Variants in HPSE2 observed in about 807,000 individuals in gnomAD.
HPSE2 encodes the protein heparanase 2 (inactive), also known as inactive heparanase-2.
HPSE2 carries 38 observed loss-of-function variants against 60.5 expected under a neutral mutation model. The ratio of observed to expected loss-of-function variants is 0.63; its 90% CI spans 0.48 to 0.82. HPSE2 has a LOEUF of 0.82. Ranked by LOEUF, HPSE2 falls within the 40% of genes least tolerant of loss-of-function variation. The pLI is 0.00. For synonymous variants in HPSE2, 295 were observed against 293.2 expected (o/e 1.01, Z -0.06); for missense variants, 713 against 740.4 (o/e 0.96, Z 0.43).
At chr10:99,020,858 A>G (rs933049627) in intron 3 of HPSE2, among the ~76,000 whole-genome samples, 6 of 152,112 alleles carry the variant, frequency 3.9e-5, no homozygotes, top group Non-Finnish European at 8.8e-5. Flanking sequence ...CATAAATACT[A>G]CCTGAAAATG....
At chr10:98,462,087 G>A (rs113440812) in intron 11 of HPSE2, among the ~76,000 whole-genome samples, 2,850 of 152,302 alleles carry the variant, frequency 0.019, 38 homozygotes, top group Non-Finnish European at 0.022. Context: ...AGGCACCAAA[G>A]AAATGAAATA....
chr10:98,466,352 G>A (rs914149123), intron 11 of HPSE2, among the ~76,000 whole-genome samples: 11 of 152,088 alleles, frequency 7.2e-5, no homozygotes, highest in Admixed American at 6.6e-4. Context: ...GGTGGCTCAC[G>A]CCTGTAATCC....
chr10:99,019,884 G>A (rs1957224248), intron 3 of HPSE2, among the ~76,000 whole-genome samples: 1 of 151,804 alleles, frequency 6.6e-6, no homozygotes, highest in Non-Finnish European at 1.5e-5. Flanking sequence ...GCTAATTTTT[G>A]TATTTTTAGT....
the HPSE2 span, among the ~76,000 whole-genome samples, chr10:99,297,741 AC>A: frequency 6.6e-6 from 1 of 151,590 alleles, no homozygotes; most frequent in African/African-American, 2.4e-5. Context: ...ACTGCTGGCC[AC>A]CCCCTGGGTG....
At chr10:98,985,532 A>G (rs1956320829) in intron 3 of HPSE2, among the ~76,000 whole-genome samples, 1 of 152,244 alleles carries the variant, frequency 6.6e-6, no homozygotes, top group South Asian at 2.1e-4. Flanking sequence ...AGCCACTGCA[A>G]AAACATGCCA....
At chr10:98,958,411 C>CT (rs1265394365) in intron 3 of HPSE2, among the ~76,000 whole-genome samples, 1 of 151,868 alleles carries the variant, frequency 6.6e-6, no homozygotes, top group Non-Finnish European at 1.5e-5. Flanking sequence ...ACAAAGGAGA[C>CT]TCTAATGCAA....
intron 3 of HPSE2, among the ~76,000 whole-genome samples, chr10:99,062,957 C>T (rs759124080): frequency 6.6e-6 from 1 of 152,158 alleles, no homozygotes; most frequent in Non-Finnish European, 1.5e-5. Flanking sequence ...AGTACTAAAG[C>T]CTTCTTTGTT....
intron 4 of HPSE2, among the ~76,000 whole-genome samples, chr10:98,738,507 A>G (rs530032290): frequency 6.6e-6 from 1 of 152,344 alleles, no homozygotes. Flanking sequence ...GCTTCTGCAC[A>G]GCAAAAGAAA....
At chr10:98,521,304 C>G (rs918728484) in intron 9 of HPSE2, among the ~76,000 whole-genome samples, 1 of 151,892 alleles carries the variant, frequency 6.6e-6, no homozygotes, top group African/African-American at 2.4e-5. Context: ...GAAAAAAACT[C>G]CATCAAAAAG....
At chr10:99,058,578 G>C (rs564094914) in intron 3 of HPSE2, among the ~76,000 whole-genome samples, 61 of 152,216 alleles carry the variant, frequency 4.0e-4, no homozygotes, top group African/African-American at 1.4e-3. Flanking sequence ...TTAGCACTTC[G>C]TTTAGGTATT....
At chr10:98,755,668 C>T (rs542964714) in intron 3 of HPSE2, among the ~76,000 whole-genome samples, 39 of 152,284 alleles carry the variant, frequency 2.6e-4, no homozygotes, top group African/African-American at 8.7e-4. Context: ...CCCACCCTCT[C>T]AGACCACAGT....
chr10:99,293,835 G>A, the HPSE2 span, among the ~76,000 whole-genome samples: 1 of 152,070 alleles, frequency 6.6e-6, no homozygotes, highest in Non-Finnish European at 1.5e-5. Flanking sequence ...ATATGTGCAG[G>A]GCATGGCCTA....
intron 9 of HPSE2, among the ~76,000 whole-genome samples, chr10:98,536,880 G>C (rs369658292): frequency 1.3e-5 from 2 of 152,028 alleles, no homozygotes; most frequent in African/African-American, 4.8e-5. Context: ...AGAACAGAGC[G>C]CAAGAAGAAG....
chr10:99,208,603 C>T (rs1224493706), intron 2 of HPSE2, among the ~76,000 whole-genome samples: 2 of 151,886 alleles, frequency 1.3e-5, no homozygotes, highest in African/African-American at 4.8e-5. Flanking sequence ...GGGAGGATCA[C>T]CAACCCAGCA....
intron 9 of HPSE2, among the ~76,000 whole-genome samples, chr10:98,602,497 A>G (rs1357568177): frequency 6.6e-6 from 1 of 152,130 alleles, no homozygotes; most frequent in African/African-American, 2.4e-5. Context: ...TTTTGCAGTT[A>G]CTCACACTTT....
rs78935940 is a variant in HPSE2 at position 99,235,748 on chromosome 10, G to T, written c.55C>A (p.Pro19Thr). 15 of 1,613,868 alleles carry T rather than the reference G, an allele frequency of 9.3e-6. No homozygotes were observed. The highest frequency in any genetic ancestry group is 4.5e-5 in the East Asian group (2 of 44,836). ...EAMPSSNSRP[P>T]ACLAPGALYL... ...AGAGCCCCCGGGGCTAGGCACGCGG[G>T]GGGGCGGGAGTTGCTGGAGGGCATG... Residue 19 changes from proline (P) to threonine (T), a missense_variant, in exon 1 of 12, where the codon CCC becomes ACC. Transcript: ENST00000370552.
intron 2 of HPSE2, among the ~76,000 whole-genome samples, chr10:99,228,456 AC>A (rs1399439558): frequency 1.3e-5 from 2 of 152,242 alleles, no homozygotes; most frequent in African/African-American, 4.8e-5. Flanking sequence ...TCTTAAAAAA[AC>A]ATGCATACAA....
Position 98,490,262 on chromosome 10 carries a change from GACACAC to G in HPSE2, c.1321-72_1321-67del, listed in dbSNP as rs59184373. 18,574 of 1,251,478 alleles carry G rather than the reference GACACAC, an allele frequency of 0.015. 1,227 individuals carry two copies. In the African/African-American group the frequency reaches 0.22, roughly 15 times the overall value. 77.5% of individuals were successfully genotyped at this position (1,251,478 alleles called of 1,614,324 possible). ...ATGCTCAGGTGTTCTGAGTAAACAT[GACACAC>G]ACACACACACACACACACACACACG... On this transcript the variant is annotated intron_variant, in intron 9 of 11. Coordinates refer to ENST00000370552, the MANE Select transcript of HPSE2 (RefSeq NM_021828.5).
rs1342185926 is a variant in HPSE2, at chr10:99,051,060, ACAATT to A, written c.610+93173_610+93177del. Among the ~76,000 whole-genome samples the A allele has an allele frequency of 2.0e-5, 3 of 152,158 alleles. No individual in the cohort carries two copies. The East Asian group carries it at 5.8e-4, about 29-fold the overall frequency. On this transcript the variant is annotated intron_variant, in intron 3 of 11. Transcript: ENST00000370552. ...TATCCAATAAAAAAGCACAAAGTGA[ACAATT>A]CAGTGAAAAAAATATATATCACTGG...
Sources: gnomAD v4.1 joint callset for allele counts (sites outside exome capture counted in the v4.1 genomes callset) on GRCh38, gnomAD v4.1.1 for gene constraint, MANE v1.5 for transcripts, NCBI Gene and HGNC (gene_info 2026-07-23, HGNC 2026-07-21) for gene names.